The following MAGI1 variants were observed in gnomAD, a reference collection of about 807,000 sequenced individuals.
MAGI1 encodes membrane-associated guanylate kinase, WW and PDZ domain-containing protein 1.
A neutral mutation model predicts 139.9 loss-of-function variants in MAGI1; 58 were observed. The ratio of observed to expected loss-of-function variants is 0.41; its 90% CI spans 0.34 to 0.52. MAGI1 has a LOEUF of 0.52. MAGI1 is among the 20% of genes least tolerant of loss of function. The pLI is 0.12. For synonymous variants in MAGI1, 812 were observed against 737.9 expected (o/e 1.10, Z -1.63); for missense variants, 1,874 against 1,901.6 (o/e 0.99, Z 0.27).
At chr3:65,953,214 C>G (rs1325098842) in intron 1 of MAGI1, among the ~76,000 whole-genome samples, 3 of 152,176 alleles carry the variant, frequency 2.0e-5, no homozygotes, top group Non-Finnish European at 4.4e-5. Flanking sequence ...TTCCAAATCA[C>G]TTGCTGAAAA....
intron 21 of MAGI1, among the ~76,000 whole-genome samples, chr3:65,362,001 C>T (rs1017344250): frequency 2.6e-5 from 4 of 152,176 alleles, no homozygotes; most frequent in African/African-American, 9.7e-5. Flanking sequence ...ATTTTAGACA[C>T]TGGAAATAAA....
intron 5 of MAGI1, among the ~76,000 whole-genome samples, chr3:65,457,049 T>C (rs1269763411): frequency 2.6e-5 from 4 of 152,202 alleles, no homozygotes; most frequent in Non-Finnish European, 2.9e-5. Context: ...CCTTTCCATT[T>C]ATATTTTAGA....
intron 1 of MAGI1, among the ~76,000 whole-genome samples, chr3:65,847,716 C>T (rs2059054351): frequency 6.6e-6 from 1 of 152,124 alleles, no homozygotes; most frequent in Non-Finnish European, 1.5e-5. Flanking sequence ...TTCTTTTATG[C>T]TAAGGATGCA....
At chr3:65,418,986 T>C (rs1420969154) in intron 12 of MAGI1, among the ~76,000 whole-genome samples, 2 of 152,218 alleles carry the variant, frequency 1.3e-5, no homozygotes, top group African/African-American at 4.8e-5. Flanking sequence ...AACGCTTTCC[T>C]GTTCTTTCTT....
intron 1 of MAGI1, among the ~76,000 whole-genome samples, chr3:65,767,960 G>C (rs2037625486): frequency 6.6e-6 from 1 of 152,190 alleles, no homozygotes; most frequent in African/African-American, 2.4e-5. Flanking sequence ...GCCCAATGGA[G>C]TGCCTTTTCT....
chr3:65,983,647 C>G (rs1287394639), intron 1 of MAGI1, among the ~76,000 whole-genome samples: 1 of 152,078 alleles, frequency 6.6e-6, no homozygotes, highest in East Asian at 1.9e-4. Context: ...TTTCCCCACC[C>G]CTCCTTATCT....
At chr3:65,815,615 A>G (rs1459658372) in intron 1 of MAGI1, among the ~76,000 whole-genome samples, 1 of 152,252 alleles carries the variant, frequency 6.6e-6, no homozygotes, top group Non-Finnish European at 1.5e-5. Context: ...TGTTATTTTA[A>G]AATAGCATAT....
intron 1 of MAGI1, among the ~76,000 whole-genome samples, chr3:65,674,515 T>C (rs568657293): frequency 1.3e-5 from 2 of 152,316 alleles, no homozygotes; most frequent in South Asian, 2.1e-4. Context: ...AACCCCTTCT[T>C]TCTCTTTTAC....
chr3:65,365,309 C>T, intron 18 of MAGI1: 1 of 429,322 alleles, frequency 2.3e-6, no homozygotes, highest in South Asian at 1.9e-5. Context: ...AATTCTCTTC[C>T]AGAACTTTAA....
intron 3 of MAGI1, among the ~76,000 whole-genome samples, chr3:65,486,771 T>C (rs1951664455): frequency 6.6e-6 from 1 of 152,096 alleles, no homozygotes; most frequent in South Asian, 2.1e-4. Flanking sequence ...CTCTACTCTG[T>C]TGGGAGTATA....
chr3:65,625,113 T>G (rs563427613), intron 1 of MAGI1, among the ~76,000 whole-genome samples: 3 of 152,176 alleles, frequency 2.0e-5, no homozygotes, highest in African/African-American at 7.2e-5. Context: ...CCTCAAGTGA[T>G]CTGCCCACCT....
At chr3:65,450,600 G>A (rs1042192385) in intron 6 of MAGI1, among the ~76,000 whole-genome samples, 1 of 152,122 alleles carries the variant, frequency 6.6e-6, no homozygotes, top group Non-Finnish European at 1.5e-5. Flanking sequence ...GTATCTTTGA[G>A]ACAATCGTTG....
intron 1 of MAGI1, among the ~76,000 whole-genome samples, chr3:65,708,600 G>A (rs1381724753): frequency 3.3e-5 from 5 of 152,128 alleles, no homozygotes; most frequent in Non-Finnish European, 2.9e-5. Flanking sequence ...CATTGGTGGT[G>A]GGGAGGAAAG....
chr3:65,819,792 G>A (rs534361613), intron 1 of MAGI1, among the ~76,000 whole-genome samples: 33 of 144,358 alleles, frequency 2.3e-4, no homozygotes, highest in Non-Finnish European at 4.0e-4. Flanking sequence ...CAGGAGAATC[G>A]CTTGAACCCA....
At chr3:65,463,558 ATGTG>A (rs56135171) in intron 5 of MAGI1, among the ~76,000 whole-genome samples, 18,820 of 140,524 alleles carry the variant, frequency 0.13, 1,606 homozygotes, top group East Asian at 0.54. Flanking sequence ...TTGGCCTGAA[ATGTG>A]TGTGTGTGTG....
In MAGI1 at chr3:65,720,410, C is replaced by T. The variant is rs1377704369; in HGVS notation, c.314-98322G>A. Among the ~76,000 whole-genome samples the T allele has an allele frequency of 2.0e-5, 3 of 152,130 alleles. No individual in the cohort carries two copies. The East Asian group carries it at 5.8e-4, about 29-fold the overall frequency. ...ACCCTGGAAGACTTGGCTCTGTTCTCCAGGCTTGGACTGAGTGCTACGTTC... is the reference window on the plus strand; with the variant it reads ...ACCCTGGAAGACTTGGCTCTGTTCTTCAGGCTTGGACTGAGTGCTACGTTC... On this transcript the variant is annotated intron_variant, in intron 1 of 22. Coordinates refer to ENST00000402939, the MANE Select transcript of MAGI1 (RefSeq NM_001033057.2).
intron 7 of MAGI1, among the ~76,000 whole-genome samples, chr3:65,447,550 CCTT>C (rs1201590172): frequency 6.6e-6 from 1 of 152,196 alleles, no homozygotes; most frequent in Non-Finnish European, 1.5e-5. Context: ...TCCTCAGTGA[CCTT>C]CTTTTATTGC....
At chr3:65,458,611 T>C (rs865971652) in intron 5 of MAGI1, among the ~76,000 whole-genome samples, 1 of 152,182 alleles carries the variant, frequency 6.6e-6, no homozygotes, top group East Asian at 1.9e-4. Flanking sequence ...GAGTCTTCTT[T>C]TGAGAAATGT....
At chr3:65,472,723 G>C (rs1239250623) in intron 4 of MAGI1, among the ~76,000 whole-genome samples, 1 of 152,180 alleles carries the variant, frequency 6.6e-6, no homozygotes, top group African/African-American at 2.4e-5. Flanking sequence ...TGTAGAGAGT[G>C]GGTCTAGGCT....
Sources: allele counts gnomAD v4.1 joint callset (sites outside exome capture counted in the v4.1 genomes callset), GRCh38; gene constraint gnomAD v4.1.1; transcripts MANE v1.5; gene names NCBI Gene and HGNC (gene_info 2026-07-23, HGNC 2026-07-21).